Variants in ARL15 observed in about 807,000 individuals in gnomAD.
ARL15 encodes ARF like GTPase 15, also known as ADP-ribosylation factor-like protein 15.
ARL15 carries 19 observed loss-of-function variants against 25.2 expected under a neutral mutation model. The ratio of observed to expected loss-of-function variants is 0.75; its 90% confidence interval spans 0.53 to 1.10. ARL15 has a LOEUF of 1.10. Among genes scored for constraint, ARL15 ranks in the 50% least tolerant of loss-of-function variants. The pLI is 0.00. For missense variants in ARL15, 220 were observed against 246.0 expected (o/e 0.89, Z 0.71); for synonymous variants, 94 against 86.8 (o/e 1.08, Z -0.46).
At chr5:54,143,043 C>T (rs1169344198) in intron 3 of ARL15, among the ~76,000 whole-genome samples, 1 of 152,100 alleles carries the variant, frequency 6.6e-6, no homozygotes, top group Non-Finnish European at 1.5e-5. Context: ...AATATGGTCA[C>T]ATGTGTAAAC....
chr5:54,106,993 T>C (rs141351029), intron 4 of ARL15, among the ~76,000 whole-genome samples: 304 of 152,200 alleles, frequency 2.0e-3, no homozygotes, highest in Middle Eastern at 3.4e-3. Context: ...TTTACACTGA[T>C]GATAAAGACA....
intron 4 of ARL15, among the ~76,000 whole-genome samples, chr5:54,032,600 A>G (rs921927548): frequency 2.9e-5 from 2 of 69,392 alleles, no homozygotes; most frequent in South Asian, 9.7e-4. Flanking sequence ...GTACAATGAC[A>G]AAAAAAAAAA....
In ARL15 at chr5:53,926,464, T is replaced by C. The variant is rs544216593; in HGVS notation, c.463-39751A>G. Among the ~76,000 whole-genome samples, 16 of 152,106 alleles carry C rather than the reference T, an allele frequency of 1.1e-4. No homozygotes were observed. In the East Asian group the frequency reaches 2.9e-3, roughly 28 times the overall value. On this transcript the variant is annotated intron_variant, in intron 4 of 4. Coordinates refer to ENST00000504924, the MANE Select transcript of ARL15 (RefSeq NM_019087.3). ...TCCAAAGCACAGACAGGTAAGAATA[T>C]CTCTCATTTCTCCCATACTTGTCCT...
At chr5:53,894,138 G>GT (rs1744800547) in intron 4 of ARL15, among the ~76,000 whole-genome samples, 2 of 152,108 alleles carry the variant, frequency 1.3e-5, no homozygotes, top group African/African-American at 4.8e-5. Context: ...CAAAAAGATG[G>GT]TAAGTACAAA....
At chr5:53,901,353 A>C (rs1464978576) in intron 4 of ARL15, among the ~76,000 whole-genome samples, 7 of 152,302 alleles carry the variant, frequency 4.6e-5, no homozygotes, top group South Asian at 2.1e-4. Flanking sequence ...ATTCAATGAA[A>C]ACCTTTCTCC....
intron 4 of ARL15, among the ~76,000 whole-genome samples, chr5:54,006,828 C>T (rs527311105): frequency 4.6e-5 from 7 of 152,002 alleles, no homozygotes; most frequent in Non-Finnish European, 8.8e-5. Flanking sequence ...CGGTGGCTCA[C>T]GTCTGCAATG....
intron 4 of ARL15, among the ~76,000 whole-genome samples, chr5:54,011,355 G>A (rs974007033): frequency 4.6e-5 from 7 of 152,030 alleles, no homozygotes; most frequent in African/African-American, 7.3e-5. Flanking sequence ...TATATGACCC[G>A]TTTCAGTAAT....
chr5:54,017,523 C>A (rs1242001276), intron 4 of ARL15, among the ~76,000 whole-genome samples: 1 of 150,602 alleles, frequency 6.6e-6, no homozygotes, highest in African/African-American at 2.4e-5. Context: ...GGTTGACATT[C>A]CCACACCACC....
At chr5:53,938,552 T>C (rs935682334) in intron 4 of ARL15, among the ~76,000 whole-genome samples, 3 of 152,182 alleles carry the variant, frequency 2.0e-5, no homozygotes, top group Admixed American at 1.3e-4. Context: ...TCTGGCCGGG[T>C]GCTGTGGCTC....
intron 1 of ARL15, among the ~76,000 whole-genome samples, chr5:54,288,319 A>C (rs891686296): frequency 6.6e-6 from 1 of 152,194 alleles, no homozygotes; most frequent in Non-Finnish European, 1.5e-5. Context: ...AGGGAAGCAC[A>C]CTCTTCTTCT....
At chr5:53,944,299 G>A (rs1746643123) in intron 4 of ARL15, among the ~76,000 whole-genome samples, 1 of 152,064 alleles carries the variant, frequency 6.6e-6, no homozygotes, top group Non-Finnish European at 1.5e-5. Context: ...TGGAATATAT[G>A]AGAAAAGGGA....
chr5:54,309,618 T>A (rs565327472), intron 1 of ARL15, among the ~76,000 whole-genome samples: 1 of 152,298 alleles, frequency 6.6e-6, no homozygotes, highest in South Asian at 2.1e-4. Flanking sequence ...TAAATGAGGA[T>A]CCCCTTAAAC....
intron 4 of ARL15, among the ~76,000 whole-genome samples, chr5:54,096,546 A>G (rs559932381): frequency 9.2e-5 from 14 of 152,148 alleles, no homozygotes; most frequent in South Asian, 6.2e-4. Context: ...GAGTAGCTGG[A>G]ATTACAGGCA....
chr5:53,924,613 T>C (rs1745962112), intron 4 of ARL15, among the ~76,000 whole-genome samples: 1 of 152,194 alleles, frequency 6.6e-6, no homozygotes, highest in South Asian at 2.1e-4. Context: ...CAATTCTCTT[T>C]CTACTCAGTG....
chr5:54,273,331 TG>T (rs1757839389), intron 1 of ARL15, among the ~76,000 whole-genome samples: 1 of 152,210 alleles, frequency 6.6e-6, no homozygotes, highest in Non-Finnish European at 1.5e-5. Flanking sequence ...CCTGTGCTCC[TG>T]CTGAGATGCA....
intron 1 of ARL15, among the ~76,000 whole-genome samples, chr5:54,218,874 C>T (rs1337703777): frequency 3.9e-5 from 6 of 152,056 alleles, no homozygotes; most frequent in Admixed American, 2.6e-4. Flanking sequence ...CTGAAGAGCA[C>T]AGCTAGTCTT....
chr5:54,179,239 G>A (rs763386317), intron 1 of ARL15, among the ~76,000 whole-genome samples: 2 of 152,094 alleles, frequency 1.3e-5, no homozygotes, highest in Admixed American at 6.5e-5. Flanking sequence ...AAATGTACCC[G>A]AGAGCTATTA....
intron 1 of ARL15, chr5:54,307,894 C>T (rs1411021274): frequency 6.6e-6 from 1 of 152,154 alleles, no homozygotes; most frequent in Non-Finnish European, 1.5e-5. Context: ...TTACTCTAAT[C>T]CATTCAGCAA....
At chr5:54,158,458 A>G (rs1292383155) in intron 2 of ARL15, among the ~76,000 whole-genome samples, 2 of 152,224 alleles carry the variant, frequency 1.3e-5, no homozygotes, top group East Asian at 1.9e-4. Context: ...AACAAGCTAC[A>G]CTGTATTCTG....
Sources: gnomAD v4.1 joint callset for allele counts (sites outside exome capture counted in the v4.1 genomes callset) on GRCh38, gnomAD v4.1.1 for gene constraint, MANE v1.5 for transcripts, NCBI Gene and HGNC (gene_info 2026-07-23, HGNC 2026-07-21) for gene names.